The following PTPRE variants were observed in gnomAD, a reference collection of about 807,000 sequenced individuals.
The protein encoded by PTPRE is protein tyrosine phosphatase receptor type E.
In PTPRE, 51 loss-of-function variants were observed where a neutral mutation model predicts 102.0. That is an observed-to-expected ratio of 0.50 (90% CI 0.40 to 0.63). The LOEUF is 0.63. Among genes scored for constraint, PTPRE ranks in the 30% least tolerant of loss-of-function variants. The pLI is 0.00. For synonymous variants in PTPRE, 345 were observed against 348.2 expected (o/e 0.99, Z 0.10); for missense variants, 752 against 915.1 (o/e 0.82, Z 2.30).
chr10:128,057,485 A>G (rs192387508), intron 7 of PTPRE, among the ~76,000 whole-genome samples: 2 of 152,300 alleles, frequency 1.3e-5, no homozygotes, highest in Admixed American at 6.5e-5. Flanking sequence ...CTGCATTTTT[A>G]GGACTAGAAT....
chr10:128,016,153 A>C (rs1214272457), intron 2 of PTPRE, among the ~76,000 whole-genome samples: 1 of 152,180 alleles, frequency 6.6e-6, no homozygotes, highest in Non-Finnish European at 1.5e-5. Flanking sequence ...CATGGACCAT[A>C]TGGGGGTCTG....
Position 128,070,543 on chromosome 10 carries a change from A to T in PTPRE, c.1293+93A>T. 1.4e-6 allele frequency: 2 copies of T among 1,474,964 alleles called. No individual in the cohort carries two copies. The highest frequency in any genetic ancestry group is 9.1e-7 in the Non-Finnish European group (1 of 1,097,546). 91.4% of individuals were successfully genotyped at this position (1,474,964 alleles called of 1,614,324 possible). A position where few individuals can be genotyped will look rare whatever the true frequency, so the allele number is the denominator to read the frequency against. On this transcript the variant is annotated intron_variant, in intron 14 of 20. Transcript: ENST00000254667. The surrounding 1 kb of genome is among the most constrained non-coding windows in gnomAD (Gnocchi z 4.8). ...CATTTAAAGGAAGCCTCTTTCAATC[A>T]CTTGCCCCTTAACTGACCTCAGAAA... is the stretch of plus-strand genomic sequence containing the variant.
chr10:127,913,668 G>A (rs71474229), intron 1 of PTPRE, among the ~76,000 whole-genome samples: 10,677 of 152,252 alleles, frequency 0.07, 434 homozygotes, highest in Non-Finnish European at 0.086. Context: ...AGGGCGCTCT[G>A]AGGGTCGGGA....
rs550159169 is a variant in PTPRE at position 127,996,444 on chromosome 10, T to G, written c.-8+14148T>G. Among the ~76,000 whole-genome samples the G allele has an allele frequency of 5.3e-5, 8 of 152,354 alleles. No individual in the cohort carries two copies. In the South Asian group the frequency reaches 1.7e-3, roughly 32 times the overall value. On this transcript the variant is annotated intron_variant, in intron 2 of 20. Transcript: ENST00000254667. ...TGGTGCCATTTTTCCAGAATCATAC[T>G]GTGTACATGCCCTGTTAAAGTTGAT...
At chr10:127,955,018 C>A (rs35570203) in intron 1 of PTPRE, among the ~76,000 whole-genome samples, 1 of 151,502 alleles carries the variant, frequency 6.6e-6, no homozygotes, top group African/African-American at 2.4e-5. Flanking sequence ...CAGGGAGTTA[C>A]GGTGTTGGCT....
intron 2 of PTPRE, among the ~76,000 whole-genome samples, chr10:128,033,015 A>G (rs1846900840): frequency 1.3e-5 from 2 of 152,224 alleles, no homozygotes; most frequent in South Asian, 4.1e-4. Context: ...AATTTATACA[A>G]AATACTTATA....
At chr10:127,936,637 C>A (rs1847860855) in intron 1 of PTPRE, among the ~76,000 whole-genome samples, 1 of 152,168 alleles carries the variant, frequency 6.6e-6, no homozygotes, top group Non-Finnish European at 1.5e-5. Context: ...AGCCTTCCAG[C>A]ATCCCCAGCT....
rs1564787194 is a variant in PTPRE, at chr10:127,907,579, T to A, written c.-31+270T>A. 6.6e-6 allele frequency among the ~76,000 whole-genome samples: 1 copy of A among 150,968 alleles called. No individual in the cohort carries two copies. Among genetic ancestry groups the A allele is most frequent in the Non-Finnish European group, 1.5e-5 (1 of 67,752 alleles). Reference sequence around the variant, plus strand: ...GCGACCACAGTGGCAGTGCTCACGCTCCCTCTCGGTAAACAGGAGGAGGGC... The same window carrying A: ...GCGACCACAGTGGCAGTGCTCACGCACCCTCTCGGTAAACAGGAGGAGGGC... On this transcript the variant is annotated intron_variant, in intron 1 of 20. Transcript: ENST00000254667. The surrounding 1 kb of genome is among the most constrained non-coding windows in gnomAD (Gnocchi z 4.8).
In PTPRE at chr10:128,083,674, G is replaced by A. The variant is rs1412209609; in HGVS notation, c.*768G>A. On this transcript the variant is annotated 3_prime_UTR_variant, in exon 21 of 21. Coordinates refer to ENST00000254667, the MANE Select transcript of PTPRE (RefSeq NM_006504.6). ...AGCACCATTTGCTGTCCAGCTGCCT[G>A]TCGTTTGGCCCAGACCACCCTCAGA... 6.6e-6 allele frequency: 1 copy of A among 152,260 alleles called. No individual in the cohort carries two copies. The highest frequency in any genetic ancestry group is 1.5e-5 in the Non-Finnish European group (1 of 68,104). 9.4% of individuals were successfully genotyped at this position (152,260 alleles called of 1,614,324 possible). A position where few individuals can be genotyped will look rare whatever the true frequency, so the allele number is the denominator to read the frequency against.
chr10:127,909,121 C>T (rs1298214680), intron 1 of PTPRE, among the ~76,000 whole-genome samples: 2 of 152,216 alleles, frequency 1.3e-5, no homozygotes, highest in African/African-American at 4.8e-5. Flanking sequence ...GCACCGCCAC[C>T]TCCACGGAAG....
intron 1 of PTPRE, among the ~76,000 whole-genome samples, chr10:127,969,597 G>A (rs1447589285): frequency 4.0e-5 from 6 of 151,180 alleles, no homozygotes; most frequent in Middle Eastern, 3.4e-3. Flanking sequence ...GAACTTGGGA[G>A]GCAGAGGTTG....
chr10:128,018,218 C>G (rs551279248), intron 2 of PTPRE, among the ~76,000 whole-genome samples: 7 of 152,126 alleles, frequency 4.6e-5, no homozygotes, highest in South Asian at 2.1e-4. Flanking sequence ...TTCTGAAACT[C>G]GGCATCCTCT....
At chr10:128,056,862 A>C (rs1368170830) in intron 7 of PTPRE, among the ~76,000 whole-genome samples, 1 of 151,892 alleles carries the variant, frequency 6.6e-6, no homozygotes, top group Non-Finnish European at 1.5e-5. Flanking sequence ...ACCTGGGGGC[A>C]GCTTTCACAG....
Position 128,068,026 on chromosome 10 carries a change from G to A in PTPRE, c.844-97G>A, listed in dbSNP as rs1850425288. 3 of 1,417,592 alleles carry A rather than the reference G, an allele frequency of 2.1e-6. No homozygotes were observed. The South Asian group carries it at 3.9e-5, about 18-fold the overall frequency. The allele number at this position is 1,417,592 out of a possible 1,614,324, so 87.8% of individuals were successfully genotyped here. A position where few individuals can be genotyped will look rare whatever the true frequency, so the allele number is the denominator to read the frequency against. On this transcript the variant is annotated intron_variant, in intron 11 of 20. Transcript: ENST00000254667. Reference sequence around the variant, plus strand: ...TGGGCCCCTCCCCTACGCAGCCCCAGCACAGGGGAGCCCACGGCGGCGTCC... The same window carrying A: ...TGGGCCCCTCCCCTACGCAGCCCCAACACAGGGGAGCCCACGGCGGCGTCC...
intron 1 of PTPRE, among the ~76,000 whole-genome samples, chr10:127,953,341 G>C (rs944617263): frequency 5.3e-5 from 8 of 152,182 alleles, no homozygotes; most frequent in Non-Finnish European, 1.2e-4. Context: ...TTTGAGAAAG[G>C]CCCGGCCACT....
At chr10:127,922,687 A>G (rs1028741932) in intron 1 of PTPRE, among the ~76,000 whole-genome samples, 2 of 152,096 alleles carry the variant, frequency 1.3e-5, no homozygotes, top group South Asian at 4.1e-4. Context: ...CCCGTAAGAG[A>G]TGTGTGTTCC....
At chr10:128,035,650 G>C (rs151047941) in intron 2 of PTPRE, among the ~76,000 whole-genome samples, 136 of 152,294 alleles carry the variant, frequency 8.9e-4, no homozygotes, top group African/African-American at 2.9e-3. Flanking sequence ...TGATGGGTTC[G>C]GGCTGCAGAG....
At chr10:128,020,057 C>T (rs1027932239) in intron 2 of PTPRE, among the ~76,000 whole-genome samples, 4 of 143,814 alleles carry the variant, frequency 2.8e-5, no homozygotes, top group Non-Finnish European at 4.7e-5. Flanking sequence ...CACGCGCGCA[C>T]GTGTGTGTGT....
At chr10:128,048,601 C>G (rs1211852136) in intron 5 of PTPRE, among the ~76,000 whole-genome samples, 1 of 152,184 alleles carries the variant, frequency 6.6e-6, no homozygotes, top group Non-Finnish European at 1.5e-5. Context: ...CTCGCGGGAC[C>G]CGAGACCTGG....
Sources: allele counts gnomAD v4.1 joint callset (sites outside exome capture counted in the v4.1 genomes callset), GRCh38; gene constraint gnomAD v4.1.1; non-coding constraint Gnocchi (gnomAD v3.1); transcripts MANE v1.5; gene names NCBI Gene and HGNC (gene_info 2026-07-23, HGNC 2026-07-21).